Variants in SPATA9 observed in about 807,000 individuals in gnomAD.
The protein encoded by SPATA9 is spermatogenesis-associated protein 9.
A neutral mutation model predicts 25.5 loss-of-function variants in SPATA9; 27 were observed. The observed-to-expected ratio is 1.06, with a 90% CI of 0.78 to 1.46. The LOEUF is 1.46. Among genes scored for constraint, SPATA9 ranks in the 40% most tolerant of loss-of-function variants. The probability of loss-of-function intolerance (pLI) is 0.00; values close to 1 mark genes in which losing one functional copy is unlikely to be tolerated. For missense variants in SPATA9, 282 were observed against 297.5 expected (o/e 0.95, Z 0.38); for synonymous variants, 102 against 105.7 (o/e 0.97, Z 0.21).
chr5:95,709,545 C>T, the SPATA9 span, among the ~76,000 whole-genome samples: 1 of 152,100 alleles, frequency 6.6e-6, no homozygotes, highest in Non-Finnish European at 1.5e-5. Context: ...GAATGTTTAA[C>T]GTCTTACTGA....
chr5:95,667,123 A>G (rs2112586401), intron 3 of SPATA9, among the ~76,000 whole-genome samples: 1 of 152,330 alleles, frequency 6.6e-6, no homozygotes, highest in African/African-American at 2.4e-5. Flanking sequence ...TGTTAGGTTG[A>G]AAGTACATAT....
chr5:95,714,382 C>T, the SPATA9 span, among the ~76,000 whole-genome samples: 1 of 152,068 alleles, frequency 6.6e-6, no homozygotes, highest in African/African-American at 2.4e-5. Flanking sequence ...CCCGAAGAAA[C>T]ATCAACATGT....
At position 95,682,569 on chromosome 5, in the gene SPATA9, C is replaced by A. The variant is rs1466555257; in HGVS notation, c.109G>T (p.Asp37Tyr). The A allele has an allele frequency of 6.2e-7, 1 of 1,613,852 alleles. No homozygotes were observed. The highest frequency in any genetic ancestry group is 1.1e-5 in the South Asian group (1 of 91,024). Residue 37 changes from aspartate to tyrosine, a missense_variant, in exon 2 of 5, where the codon GAT (aspartate) becomes TAT (tyrosine). By Grantham distance (160) the Asp-to-Tyr change is radical (BLOSUM62 -3). Transcript: ENST00000274432. ...AIMDLVDEFK[D>Y]EFPTILRLSQ... is the part of the protein sequence containing the mutation. Reference sequence around the variant, plus strand: ...AATCTTAGGATGGTGGGAAATTCATCTTTAAACTCATCTACAAGGTCCATG... The same window carrying A: ...AATCTTAGGATGGTGGGAAATTCATATTTAAACTCATCTACAAGGTCCATG...
downstream of SPATA9, among the ~76,000 whole-genome samples, chr5:95,655,066 C>T (rs1437245752): frequency 1.3e-5 from 2 of 152,090 alleles, no homozygotes; most frequent in South Asian, 4.1e-4. Flanking sequence ...TCTCTCTAAC[C>T]GATGCAAAGT....
At chr5:95,654,111 C>G (rs777723877), downstream of SPATA9, 13 of 1,611,832 alleles carry the variant, frequency 8.1e-6, no homozygotes, top group Non-Finnish European at 1.0e-5. Context: ...GAATATTCTT[C>G]TGTGTGTGTG....
chr5:95,665,617 C>CATCAACCA lies in SPATA9; in HGVS notation c.379-1570_379-1569insTGGTTGAT, dbSNP rs528459193. On this transcript the variant is annotated intron_variant, in intron 3 of 4. Transcript: ENST00000274432. ...AACCACATTTTCTTTATCCATTCAC[C>CATCAACCA]TGTGGTTGGACACGTAGGTTGATTC... 9.5e-3 allele frequency among the ~76,000 whole-genome samples: 1,454 copies of CATCAACCA among 152,312 alleles called. 17 individuals carry two copies. The highest frequency in any genetic ancestry group is 0.033 in the African/African-American group (1,373 of 41,564).
At chr5:95,662,304 A>C (rs1286795381) in intron 4 of SPATA9, among the ~76,000 whole-genome samples, 1 of 152,228 alleles carries the variant, frequency 6.6e-6, no homozygotes, top group Admixed American at 6.5e-5. Flanking sequence ...AGCTTCTAGA[A>C]TACAACAGGA....
At chr5:95,703,677 G>A (rs1754228018), upstream of SPATA9, among the ~76,000 whole-genome samples, 1 of 151,804 alleles carries the variant, frequency 6.6e-6, no homozygotes, top group Admixed American at 6.6e-5. Flanking sequence ...AAAAATATCT[G>A]GAAGGATATA....
Position 95,682,942 on chromosome 5 carries a change from G to A in SPATA9, c.-88C>T. The stretch of plus-strand genomic sequence containing the variant: ...TAGTCTGCCATTAGTGAAAGATGAG[G>A]GTAGCCTTCCACTTGGGAAAGCCAG... On this transcript the variant is annotated 5_prime_UTR_variant, in exon 1 of 5. Coordinates refer to ENST00000274432, the MANE Select transcript of SPATA9 (RefSeq NM_031952.4). 1 of 1,401,410 alleles carries A rather than the reference G, an allele frequency of 7.1e-7. No homozygotes were observed. Among genetic ancestry groups the A allele is most frequent in the Non-Finnish European group, 9.3e-7 (1 of 1,074,574 alleles). 86.8% of individuals were successfully genotyped at this position (1,401,410 alleles called of 1,614,324 possible). A position where few individuals can be genotyped will look rare whatever the true frequency, so the allele number is the denominator to read the frequency against.
chr5:95,663,440 T>C (rs1463144917), intron 4 of SPATA9, among the ~76,000 whole-genome samples: 1 of 152,188 alleles, frequency 6.6e-6, no homozygotes, highest in Admixed American at 6.5e-5. Flanking sequence ...TAGAGCTTAA[T>C]AGATTTTGTG....
Position 95,658,799 on chromosome 5 carries a change from CAGGCTCA to C in SPATA9, c.582_588del (p.Glu195CysfsTer54), listed in dbSNP as rs1561392194. The C allele has an allele frequency of 1.9e-6, 3 of 1,613,852 alleles. No homozygotes were observed. In the African/African-American group the frequency reaches 4.0e-5, roughly 22 times the overall value. ...TCAGCAAACATAGGCTCCGAAAGCACAGGCTCAGAAAAGGCTTTTCTACAATTTTCAC... is the reference window on the plus strand; with the variant it reads ...TCAGCAAACATAGGCTCCGAAAGCACGAAAAGGCTTTTCTACAATTTTCAC... On this transcript the variant is annotated frameshift_variant, in exon 5 of 5. Transcript: ENST00000274432. LOFTEE classifies it high-confidence loss of function.
chr5:95,652,836 A>G (rs1750437586), downstream of SPATA9: 1 of 379,322 alleles, frequency 2.6e-6, no homozygotes, highest in Non-Finnish European at 4.7e-6. Flanking sequence ...CACCTTTTTC[A>G]TGGACCCCTA....
At chr5:95,731,765 T>G in the SPATA9 span, 2 of 1,606,396 alleles carry the variant, frequency 1.2e-6, no homozygotes, top group East Asian at 4.5e-5. Context: ...GTGCCCATCC[T>G]CGCCGCGCGC....
At chr5:95,656,230 C>A (rs377419639), downstream of SPATA9, 25 of 1,613,444 alleles carry the variant, frequency 1.5e-5, no homozygotes, top group African/African-American at 2.4e-4. Context: ...ATTTATGTGA[C>A]TCTTTCTAAT....
At chr5:95,731,614 C>CGGG in the SPATA9 span, 1 of 1,602,916 alleles carries the variant, frequency 6.2e-7, no homozygotes, top group South Asian at 1.1e-5. Context: ...ACTCGCCGCC[C>CGGG]GGGGGCCCCG....
the SPATA9 span, chr5:95,731,619 G>A: frequency 6.2e-7 from 1 of 1,605,816 alleles, no homozygotes; most frequent in Non-Finnish European, 8.5e-7. Flanking sequence ...CCGCCCGGGG[G>A]CCCCGCGAAG....
intron 2 of SPATA9, among the ~76,000 whole-genome samples, chr5:95,680,122 T>G (rs914475950): frequency 7.2e-5 from 11 of 152,172 alleles, no homozygotes; most frequent in African/African-American, 2.7e-4. Context: ...ATGGTCTCCA[T>G]CTCCTGACCT....
upstream of SPATA9, among the ~76,000 whole-genome samples, chr5:95,686,323 A>G (rs1391712508): frequency 6.6e-6 from 1 of 152,210 alleles, no homozygotes; most frequent in Non-Finnish European, 1.5e-5. Context: ...ATGTAGGTAA[A>G]ACTAATTTAC....
chr5:95,715,656 A>C, the SPATA9 span, among the ~76,000 whole-genome samples: 7 of 152,166 alleles, frequency 4.6e-5, no homozygotes, highest in Non-Finnish European at 1.0e-4. Flanking sequence ...ATATAGAAAA[A>C]ATTTTATGAT....
Sources: gnomAD v4.1 joint callset for allele counts (sites outside exome capture counted in the v4.1 genomes callset) on GRCh38, gnomAD v4.1.1 for gene constraint, MANE v1.5 for transcripts, NCBI Gene and HGNC (gene_info 2026-07-23, HGNC 2026-07-21) for gene names.